Variants in ZNF45 observed in about 807,000 individuals in gnomAD.
ZNF45 encodes the protein zinc finger protein 45.
ZNF45 carries 4 observed loss-of-function variants against 12.0 expected under a neutral mutation model. The ratio of observed to expected loss-of-function variants is 0.33; its 90% CI spans 0.16 to 0.76. The LOEUF is 0.76. Ranked by LOEUF, ZNF45 falls within the 30% of genes least tolerant of loss-of-function variation. The probability of loss-of-function intolerance (pLI) is 0.60; values close to 1 mark genes in which losing one functional copy is unlikely to be tolerated. For synonymous variants in ZNF45, 272 were observed against 279.6 expected, an observed-to-expected ratio of 0.97 and a Z score of 0.27; for missense variants, 700 against 813.0, an observed-to-expected ratio of 0.86 and a Z score of 1.69.
intron 4 of ZNF45, among the ~76,000 whole-genome samples, chr19:43,924,922 A>G (rs1395391566): frequency 6.6e-6 from 1 of 152,214 alleles, no homozygotes; most frequent in Non-Finnish European, 1.5e-5. Flanking sequence ...ACATAAACCC[A>G]TGCAGATGCT....
chr19:43,922,329 T>G, intron 6 of ZNF45, 112 bp from the exon 7 acceptor site: 1 of 656,824 alleles, frequency 1.5e-6, no homozygotes, highest in Non-Finnish European at 2.5e-6. Context: ...TAACGTGAAA[T>G]AGCAACAGTG....
chr19:43,918,934 T>C lies in ZNF45; in HGVS notation c.171A>G (p.Pro57=). 6.2e-7 allele frequency: 1 copy of C among 1,614,106 alleles called. No individual in the cohort carries two copies. The highest frequency in any genetic ancestry group is 8.5e-7 in the Non-Finnish European group (1 of 1,179,998). ...VGHQSTPDGL[P]QLEREEKLWM... Reference sequence around the variant, plus strand: ...ACAGCTTTTCTTCTCTCTCTAACTGTGGTAGGCCATCTGGTGTGGACTGAT... The same window carrying C: ...ACAGCTTTTCTTCTCTCTCTAACTGCGGTAGGCCATCTGGTGTGGACTGAT... The change falls in exon 9 of 10, where the codon CCA becomes CCG. Residue 57 remains proline, a synonymous_variant. Transcript: ENST00000269973.
chr19:43,922,097 A>G, intron 7 of ZNF45, 74 bp downstream of exon 7: 1 of 1,490,252 alleles, frequency 6.7e-7, no homozygotes, highest in Non-Finnish European at 9.2e-7. Context: ...TCTTCCTAAC[A>G]AAGAGAATAA....
chr19:43,928,598 T>C (rs1016879040), intron 3 of ZNF45, among the ~76,000 whole-genome samples: 1 of 152,214 alleles, frequency 6.6e-6, no homozygotes, highest in African/African-American at 2.4e-5. Context: ...TAAATTACAA[T>C]TTGATAGCAT....
At chr19:43,916,389 T>G (rs781186547) in intron 9 of ZNF45, among the ~76,000 whole-genome samples, 5 of 152,186 alleles carry the variant, frequency 3.3e-5, no homozygotes, top group Non-Finnish European at 5.9e-5. Flanking sequence ...GTGTTAGGAT[T>G]ATAGCTGTGA....
chr19:43,913,312 A>AT lies in ZNF45; in HGVS notation c.*74_*75insA. ...CACTTGGCTGAACTACTGACTCTATAAAACAAATGTTTTGTCTATGATAGC... is the reference window on the plus strand; with the variant it reads ...CACTTGGCTGAACTACTGACTCTATATAAACAAATGTTTTGTCTATGATAGC... On this transcript the variant is annotated 3_prime_UTR_variant, in exon 10 of 10. Transcript: ENST00000269973. 6.7e-7 allele frequency: 1 copy of AT among 1,497,546 alleles called. No individual in the cohort carries two copies. Among genetic ancestry groups the AT allele is most frequent in the Non-Finnish European group, 8.9e-7 (1 of 1,122,708 alleles). The allele number at this position is 1,497,546 out of a possible 1,614,324, so 92.8% of individuals were successfully genotyped here.
chr19:43,919,611 T>A lies in ZNF45; in HGVS notation c.104A>T (p.Asp35Val). 6.2e-7 allele frequency: 1 copy of A among 1,613,090 alleles called. No individual in the cohort carries two copies. Among genetic ancestry groups the A allele is most frequent in the Non-Finnish European group, 8.5e-7 (1 of 1,179,350 alleles). The change falls in exon 8 of 10, where the codon GAT becomes GTT. Residue 35 changes from aspartate (D) to valine (V), a missense_variant. Asp to Val is a radical substitution (Grantham distance 152). Coordinates refer to ENST00000269973, the MANE Select transcript of ZNF45 (RefSeq NM_003425.4). The part of the protein sequence containing the change: ...LDLAQRKLYR[D>V]VMLENFRNVV... ...ATTCCTGAAGTTCTCCAGCATCACA[T>A]CTCGGTACAGCTTCCTCTGGGCAAG...
chr19:43,919,060 C>G (rs1972913865), intron 8 of ZNF45, 98 bp from the exon 9 acceptor site: 1 of 978,600 alleles, frequency 1.0e-6, no homozygotes, highest in African/African-American at 1.6e-5. Context: ...GGACATCAAA[C>G]TTAGTGTTTT....
intron 7 of ZNF45, among the ~76,000 whole-genome samples, chr19:43,921,618 A>C (rs1471969676): frequency 1.3e-5 from 2 of 152,360 alleles, no homozygotes; most frequent in East Asian, 1.9e-4. Flanking sequence ...AAAGTAAATA[A>C]TAGCAAAACT....
rs767364054 is a variant in ZNF45 at position 43,914,774 on chromosome 19, G to A, written c.662C>T (p.Thr221Ile). The A allele has an allele frequency of 6.2e-7, 1 of 1,614,100 alleles. No homozygotes were observed. Among genetic ancestry groups the A allele is most frequent in the South Asian group, 1.1e-5 (1 of 91,080 alleles). Reference protein sequence around the residue: ...QRVHSRAKSYTNDASYRSFSQ... With the variant: ...QRVHSRAKSYINDASYRSFSQ... ...AAAACTCCTGTAACTTGCATCATTT[G>A]TGTATGATTTTGCTCTACTGTGGAC... is the stretch of plus-strand genomic sequence containing the variant. Residue 221 changes from threonine to isoleucine, a missense_variant, in exon 10 of 10, where the codon ACA (threonine) becomes ATA (isoleucine). By Grantham distance (89) the Thr-to-Ile change is moderately conservative. Transcript: ENST00000269973.
intron 3 of ZNF45, 88 bp downstream of exon 3, chr19:43,932,516 G>A (rs1974211272): frequency 6.6e-6 from 1 of 152,212 alleles, no homozygotes; most frequent in African/African-American, 2.4e-5. Context: ...GACAAGGACT[G>A]TGGATAATCC....
chr19:43,913,825 G>A lies in ZNF45; in HGVS notation c.1611C>T (p.Phe537=), dbSNP rs1281808640. 1.7e-5 allele frequency: 27 copies of A among 1,613,846 alleles called. No homozygotes were observed. In the Admixed American group the frequency reaches 4.5e-4, roughly 27 times the overall value. The change falls in exon 10 of 10, where the codon TTC becomes TTT. Residue 537 remains phenylalanine (F), a synonymous_variant. Transcript: ENST00000269973. ...PYQCAECGKG[F]SVGSQLQAHQ... ...GGGCTTGAAGCTGTGAACCTACACT[G>A]AAGCCCTTCCCACACTCTGCACACT...
chr19:43,929,164 T>G (rs1973920620), intron 3 of ZNF45, among the ~76,000 whole-genome samples: 1 of 152,214 alleles, frequency 6.6e-6, no homozygotes, highest in Non-Finnish European at 1.5e-5. Context: ...CCCATGTTCT[T>G]AACCGCTCGA....
At chr19:43,918,581 T>C (rs1461306282) in intron 9 of ZNF45, among the ~76,000 whole-genome samples, 3 of 152,202 alleles carry the variant, frequency 2.0e-5, no homozygotes, top group African/African-American at 4.8e-5. Context: ...TGCTGGTGCT[T>C]TGAACATGGA....
chr19:43,922,098 A>C, intron 7 of ZNF45, 73 bp downstream of exon 7: 2 of 1,494,088 alleles, frequency 1.3e-6, no homozygotes, highest in Non-Finnish European at 1.8e-6. Context: ...CTTCCTAACA[A>C]AGAGAATAAG....
At chr19:43,933,503 A>C (rs1974296090) in intron 2 of ZNF45, among the ~76,000 whole-genome samples, 1 of 152,208 alleles carries the variant, frequency 6.6e-6, no homozygotes, top group Non-Finnish European at 1.5e-5. Flanking sequence ...ATTAGTTTTT[A>C]AGCCTTACTG....
In ZNF45 at chr19:43,922,638, T is replaced by G. The variant is rs565019184; in HGVS notation, c.-32-421A>C. 6.6e-5 allele frequency among the ~76,000 whole-genome samples: 10 copies of G among 152,278 alleles called. No individual in the cohort carries two copies. The South Asian group carries it at 1.9e-3, about 28-fold the overall frequency. On this transcript the variant is annotated intron_variant, in intron 6 of 9. Coordinates refer to ENST00000269973, the MANE Select transcript of ZNF45 (RefSeq NM_003425.4). ...AATTATTAATATCTCTGTGCCTCAG[T>G]TCTTTCATCCATAAAATGAAGAGAT...
At chr19:43,918,649 C>T (rs990112102) in intron 9 of ZNF45, among the ~76,000 whole-genome samples, 1 of 152,102 alleles carries the variant, frequency 6.6e-6, no homozygotes, top group African/African-American at 2.4e-5. Context: ...TTCCCCCAGT[C>T]GGTAGTATTT....
chr19:43,929,421 G>A (rs962923841), intron 3 of ZNF45, among the ~76,000 whole-genome samples: 3 of 152,078 alleles, frequency 2.0e-5, no homozygotes, highest in Admixed American at 1.3e-4. Context: ...TGAATCACAG[G>A]GCCAGACTAA....
Sources: allele counts gnomAD v4.1 joint callset (sites outside exome capture counted in the v4.1 genomes callset), GRCh38; gene constraint gnomAD v4.1.1; transcripts MANE v1.5; gene names NCBI Gene and HGNC (gene_info 2026-07-23, HGNC 2026-07-21).